The following RCN3 variants were observed in gnomAD, a reference collection of about 807,000 sequenced individuals.
The protein encoded by RCN3 is reticulocalbin-3.
In RCN3, 41 loss-of-function variants were observed where a neutral mutation model predicts 35.9. The ratio of observed to expected loss-of-function variants is 1.14; its 90% CI spans 0.89 to 1.48. RCN3 has a LOEUF of 1.48. RCN3 is among the 40% of genes most tolerant of loss of function. The probability of loss-of-function intolerance (pLI) is 0.00; values close to 1 mark genes in which losing one functional copy is unlikely to be tolerated. For missense variants in RCN3, 451 were observed against 471.3 expected (o/e 0.96, Z 0.40); for synonymous variants, 187 against 193.4 (o/e 0.97, Z 0.27).
intron 5 of RCN3, among the ~76,000 whole-genome samples, chr19:49,541,672 C>T (rs990194030): frequency 6.6e-6 from 1 of 151,662 alleles, no homozygotes; most frequent in East Asian, 1.9e-4. Flanking sequence ...TCACTTGAAC[C>T]CAGAAGGTGC....
chr19:49,541,306 C>T (rs1160621876), intron 5 of RCN3, among the ~76,000 whole-genome samples: 2 of 152,144 alleles, frequency 1.3e-5, no homozygotes, highest in African/African-American at 4.8e-5. Context: ...CTGTCACTAT[C>T]CTCCATTATA....
intron 3 of RCN3, among the ~76,000 whole-genome samples, chr19:49,534,995 C>G (rs575943918): frequency 6.6e-6 from 1 of 152,066 alleles, no homozygotes; most frequent in South Asian, 2.1e-4. Context: ...CATTCTCTCC[C>G]TCCTCTCCTC....
intron 1 of RCN3, 198 bp from the exon 2 acceptor site, chr19:49,528,268 GT>G (rs1436333705): frequency 2.0e-5 from 10 of 494,884 alleles, no homozygotes; most frequent in African/African-American, 1.8e-4. Flanking sequence ...AGAAGATTCG[GT>G]CCTCCCCATA....
In RCN3 at chr19:49,537,112, C is replaced by T. The variant is rs775089420; in HGVS notation, c.525C>T (p.Ala175=). 7 of 1,597,618 alleles carry T rather than the reference C, an allele frequency of 4.4e-6. No individual in the cohort carries two copies. Among genetic ancestry groups the T allele is most frequent in the Admixed American group, 1.7e-5 (1 of 58,516 alleles). The change falls in exon 4 of 7, where the codon GCC becomes GCT. Residue 175 remains alanine, a synonymous_variant. Transcript: ENST00000270645. Reference sequence around the variant, plus strand: ...GGGACGAGCGGCGTTTCCGGGTGGCCGACCAGGATGGGGACTCGATGGCCA... The same window carrying T: ...GGGACGAGCGGCGTTTCCGGGTGGCTGACCAGGATGGGGACTCGATGGCCA... ...LARDERRFRV[A]DQDGDSMATR...
At position 49,534,310 on chromosome 19, in the gene RCN3, G is replaced by T; in HGVS notation, c.360G>T (p.Ala120=). 1.3e-6 allele frequency: 2 copies of T among 1,494,336 alleles called. No homozygotes were observed. Among genetic ancestry groups the T allele is most frequent in the Non-Finnish European group, 1.8e-6 (2 of 1,123,580 alleles). 92.6% of individuals were successfully genotyped at this position (1,494,336 alleles called of 1,614,324 possible). A position where few individuals can be genotyped will look rare whatever the true frequency, so the allele number is the denominator to read the frequency against. The change falls in exon 3 of 7, where the codon GCG becomes GCT. Residue 120 remains alanine (A), a synonymous_variant. Transcript: ENST00000270645. ...QQRHIRDSVS[A]AWDTYDTDRD... ...GGCACATACGGGACTCGGTGAGCGC[G>T]GCCTGGGACACGTACGACACGGACC...
intron 3 of RCN3, 72 bp from the exon 4 acceptor site, chr19:49,536,961 T>C: frequency 7.3e-7 from 1 of 1,364,648 alleles, no homozygotes; most frequent in Non-Finnish European, 9.8e-7. Context: ...TAGGATTTAC[T>C]TTGTCTTTGT....
intron 3 of RCN3, among the ~76,000 whole-genome samples, chr19:49,535,388 G>A (rs745513490): frequency 1.3e-5 from 2 of 152,148 alleles, no homozygotes; most frequent in Non-Finnish European, 2.9e-5. Flanking sequence ...GTCTCCACAC[G>A]CTTGGATCAG....
Position 49,534,344 on chromosome 19 carries a change from C to T in RCN3, c.394C>T (p.Arg132Cys), listed in dbSNP as rs1361006966. 6.5e-7 allele frequency: 1 copy of T among 1,528,382 alleles called. No homozygotes were observed. The highest frequency in any genetic ancestry group is 1.2e-5 in the South Asian group (1 of 81,624). The allele number at this position is 1,528,382 out of a possible 1,614,324, so 94.7% of individuals were successfully genotyped here. The change falls in exon 3 of 7, where the codon CGT becomes TGT. Residue 132 changes from arginine to cysteine, a missense_variant. Arg to Cys is a radical substitution (Grantham distance 180, BLOSUM62 -3). Coordinates refer to ENST00000270645, the MANE Select transcript of RCN3 (RefSeq NM_020650.3). ...CACGTACGACACGGACCGCGACGGG[C>T]GTGTGGGTTGGGAGGAGCTGCGCAA... ...WDTYDTDRDG[R>C]VGWEELRNAT...
intron 5 of RCN3, among the ~76,000 whole-genome samples, chr19:49,540,824 G>A (rs1212094179): frequency 1.3e-5 from 2 of 151,792 alleles, no homozygotes; most frequent in Admixed American, 6.6e-5. Context: ...TGCTACTGAC[G>A]TCTCCTGGAT....
chr19:49,538,501 A>G (rs2080147811), intron 4 of RCN3, among the ~76,000 whole-genome samples: 1 of 151,758 alleles, frequency 6.6e-6, no homozygotes, highest in Non-Finnish European at 1.5e-5. Flanking sequence ...GTGTAGAGAC[A>G]GGGTCTCGCC....
chr19:49,533,205 T>G lies in RCN3; in HGVS notation c.243-988T>G, dbSNP rs146721431. Reference sequence around the variant, plus strand: ...CAACACCAGGAACCTCAGAGAAGGGTGTGATTCCGGGGACAGAGTGGGGCC... The same window carrying G: ...CAACACCAGGAACCTCAGAGAAGGGGGTGATTCCGGGGACAGAGTGGGGCC... On this transcript the variant is annotated intron_variant, in intron 2 of 6. Transcript: ENST00000270645. Among the ~76,000 whole-genome samples the G allele has an allele frequency of 4.2e-3, 640 of 151,986 alleles. 6 individuals are homozygous for G. Among genetic ancestry groups the G allele is most frequent in the African/African-American group, 0.015 (614 of 41,392 alleles).
Position 49,543,449 on chromosome 19 carries a change from C to T in RCN3, c.*236C>T, listed in dbSNP as rs1601222495. The T allele has an allele frequency of 1.8e-6, 1 of 549,372 alleles. No individual in the cohort carries two copies. Among genetic ancestry groups the T allele is most frequent in the East Asian group, 3.1e-5 (1 of 32,196 alleles). The allele number at this position is 549,372 out of a possible 1,614,324, so 34.0% of individuals were successfully genotyped here. A position where few individuals can be genotyped will look rare whatever the true frequency, so the allele number is the denominator to read the frequency against. On this transcript the variant is annotated 3_prime_UTR_variant, in exon 7 of 7. Coordinates refer to ENST00000270645, the MANE Select transcript of RCN3 (RefSeq NM_020650.3). ...AAGCAATACCTATTTCTGACTGAGT[C>T]TCCCAGCCCAGACCCAGGGACCCTT...
intron 2 of RCN3, among the ~76,000 whole-genome samples, chr19:49,533,575 G>A (rs2080119109): frequency 6.6e-6 from 1 of 152,248 alleles, no homozygotes; most frequent in Middle Eastern, 3.4e-3. Context: ...CTGAGCCCCC[G>A]GGGTTGCGGG....
intron 3 of RCN3, among the ~76,000 whole-genome samples, chr19:49,536,753 C>T (rs1207219908): frequency 6.6e-6 from 1 of 151,322 alleles, no homozygotes; most frequent in African/African-American, 2.4e-5. Flanking sequence ...GGATTACAGG[C>T]GTGCCCCACC....
rs1601211012 is a variant in RCN3, at chr19:49,534,234, G to T, written c.284G>T (p.Gly95Val). The T allele has an allele frequency of 3.4e-6, 5 of 1,473,630 alleles. No homozygotes were observed. In the East Asian group the frequency reaches 1.3e-4, roughly 39 times the overall value. The allele number at this position is 1,473,630 out of a possible 1,614,324, so 91.3% of individuals were successfully genotyped here. The change falls in exon 3 of 7, where the codon GGC (glycine) becomes GTC (valine). Residue 95 changes from glycine (G) to valine (V), a missense_variant. Transcript: ENST00000270645. ...ATGGACCGCGCGGGGGACGGCGACGGCTGGGTGTCGCTGGCCGAGCTTCGC... is the reference window on the plus strand; with the variant it reads ...ATGGACCGCGCGGGGGACGGCGACGTCTGGGTGTCGCTGGCCGAGCTTCGC... ...DRMDRAGDGDGWVSLAELRAW... is the reference protein window; with the variant it reads ...DRMDRAGDGDVWVSLAELRAW...
intron 5 of RCN3, among the ~76,000 whole-genome samples, chr19:49,541,025 G>T (rs1601219531): frequency 6.6e-6 from 1 of 151,890 alleles, no homozygotes; most frequent in Non-Finnish European, 1.5e-5. Flanking sequence ...CCGCCTCCCA[G>T]GTTCAAGCAA....
At chr19:49,528,779 C>T (rs1045253081) in intron 2 of RCN3, 65 bp downstream of exon 2, 1 of 1,441,832 alleles carries the variant, frequency 6.9e-7, no homozygotes, top group Non-Finnish European at 9.2e-7. Context: ...GCGGGGGTAT[C>T]GACAGGGGTC....
intron 3 of RCN3, 56 bp from the exon 4 acceptor site, chr19:49,536,977 C>T: frequency 3.5e-6 from 5 of 1,422,732 alleles, no homozygotes; most frequent in Non-Finnish European, 3.7e-6. Flanking sequence ...TTTGTTTTAA[C>T]CTGCTTGGCG....
chr19:49,543,079 C>T (rs1412712423), intron 6 of RCN3, 27 bp from the exon 7 acceptor site: 1 of 1,584,564 alleles, frequency 6.3e-7, no homozygotes, highest in Non-Finnish European at 8.7e-7. Context: ...CCGTGTTGTC[C>T]CCTCTGAACC....
Sources: allele counts gnomAD v4.1 joint callset (sites outside exome capture counted in the v4.1 genomes callset), GRCh38; gene constraint gnomAD v4.1.1; transcripts MANE v1.5; gene names NCBI Gene and HGNC (gene_info 2026-07-23, HGNC 2026-07-21).